The following CTNNA3 variants were observed in gnomAD, a reference collection of about 807,000 sequenced individuals.
The protein encoded by CTNNA3 is catenin alpha 3, also known as catenin alpha-3.
In CTNNA3, 76 loss-of-function variants were observed where a neutral mutation model predicts 95.7. That is an observed-to-expected ratio of 0.79 (90% CI 0.66 to 0.96). The LOEUF is 0.96. Ranked by LOEUF, CTNNA3 falls within the 40% of genes least tolerant of loss-of-function variation. CTNNA3 has a pLI of 0.00. For synonymous variants in CTNNA3, 431 were observed against 374.4 expected (o/e 1.15, Z -1.74); for missense variants, 1,191 against 1,089.8 (o/e 1.09, Z -1.31).
chr10:67,284,423 T>C (rs1308330844), intron 5 of CTNNA3, among the ~76,000 whole-genome samples: 3 of 152,222 alleles, frequency 2.0e-5, no homozygotes, highest in African/African-American at 7.2e-5. Context: ...ACCAAATTAG[T>C]ATTATTTTGT....
chr10:66,737,002 T>C (rs1849165931), intron 9 of CTNNA3, among the ~76,000 whole-genome samples: 1 of 152,200 alleles, frequency 6.6e-6, no homozygotes, highest in Admixed American at 6.5e-5. Context: ...ACTGGTAAGA[T>C]TCACTTTATC....
chr10:66,409,645 A>G (rs1292518608), intron 11 of CTNNA3, among the ~76,000 whole-genome samples: 1 of 152,208 alleles, frequency 6.6e-6, no homozygotes, highest in Non-Finnish European at 1.5e-5. Context: ...CAGTGAGACC[A>G]TAACTATACA....
At chr10:66,982,415 T>C (rs1326465411) in intron 7 of CTNNA3, among the ~76,000 whole-genome samples, 1 of 152,174 alleles carries the variant, frequency 6.6e-6, no homozygotes, top group Non-Finnish European at 1.5e-5. Context: ...TTTTCACCTC[T>C]AACCAAGGAT....
At chr10:66,716,795 T>G (rs996953534) in intron 9 of CTNNA3, among the ~76,000 whole-genome samples, 17 of 152,080 alleles carry the variant, frequency 1.1e-4, no homozygotes, top group African/African-American at 4.1e-4. Context: ...TATCTTGGAG[T>G]TGGAACTTCT....
At chr10:66,210,087 C>T (rs4745889) in intron 13 of CTNNA3, among the ~76,000 whole-genome samples, 107,420 of 151,726 alleles carry the variant, frequency 0.71, 38,474 homozygotes, top group African/African-American at 0.8. Context: ...ACACATAATA[C>T]CCAGGGTGGG....
rs116313553 is a variant in CTNNA3 at position 66,606,302 on chromosome 10, G to A, written c.1374+15390C>T. Reference sequence around the variant, plus strand: ...GTTCTCTGAGACCTTCAGAATCTTAGGCTCCCACACAATAATACTGGGAGA... The same window carrying A: ...GTTCTCTGAGACCTTCAGAATCTTAAGCTCCCACACAATAATACTGGGAGA... On this transcript the variant is annotated intron_variant, in intron 10 of 17. Coordinates refer to ENST00000433211, the MANE Select transcript of CTNNA3 (RefSeq NM_013266.4). Among the ~76,000 whole-genome samples the A allele has an allele frequency of 6.3e-3, 964 of 152,146 alleles. 12 individuals are homozygous for A. The highest frequency in any genetic ancestry group is 0.022 in the African/African-American group (924 of 41,520).
Position 66,636,926 on chromosome 10 carries a change from C to T in CTNNA3, c.1282-15142G>A, listed in dbSNP as rs143631752. On this transcript the variant is annotated intron_variant, in intron 9 of 17. Transcript: ENST00000433211. ...TATACTATGCTAAACGAGTAAAACA[C>T]TAAATGCTGATGGGCTTCATAATAA... is the stretch of plus-strand genomic sequence containing the variant. Among the ~76,000 whole-genome samples, 325 of 152,180 alleles carry T rather than the reference C, an allele frequency of 2.1e-3. 1 individual carries two copies. The highest frequency in any genetic ancestry group is 7.6e-3 in the African/African-American group (314 of 41,528).
intron 7 of CTNNA3, among the ~76,000 whole-genome samples, chr10:66,996,649 C>CTAAAAAA (rs71468809): frequency 1.5e-5 from 1 of 67,644 alleles, no homozygotes; most frequent in Admixed American, 2.7e-4. Context: ...TCCGTCTCTA[C>CTAAAAAA]AAAAAAAAAA....
At chr10:66,523,855 A>T (rs1408330692) in intron 10 of CTNNA3, among the ~76,000 whole-genome samples, 1 of 152,052 alleles carries the variant, frequency 6.6e-6, no homozygotes, top group Non-Finnish European at 1.5e-5. Context: ...CATGCCCCCC[A>T]CTTGCTGATA....
intron 14 of CTNNA3, among the ~76,000 whole-genome samples, chr10:66,102,261 T>A (rs2081665855): frequency 6.6e-6 from 1 of 152,172 alleles, no homozygotes; most frequent in Non-Finnish European, 1.5e-5. Context: ...CCTACTATTG[T>A]TGCTGCTGCT....
At chr10:67,174,594 T>C (rs879488898) in intron 7 of CTNNA3, among the ~76,000 whole-genome samples, 6 of 152,090 alleles carry the variant, frequency 3.9e-5, no homozygotes, top group African/African-American at 7.2e-5. Flanking sequence ...AATTCACATA[T>C]GCAAATACCT....
chr10:67,406,433 G>A (rs1845140333), intron 5 of CTNNA3, among the ~76,000 whole-genome samples: 1 of 152,072 alleles, frequency 6.6e-6, no homozygotes, highest in Non-Finnish European at 1.5e-5. Flanking sequence ...GTGTTAAGAG[G>A]GAAACTTACA....
chr10:67,181,589 T>C (rs1184038934), intron 6 of CTNNA3, among the ~76,000 whole-genome samples: 1 of 152,160 alleles, frequency 6.6e-6, no homozygotes, highest in Non-Finnish European at 1.5e-5. Flanking sequence ...ATCTTCCTAG[T>C]ATATAATCTT....
chr10:66,161,544 G>A (rs142849344), intron 13 of CTNNA3, among the ~76,000 whole-genome samples: 1 of 152,180 alleles, frequency 6.6e-6, no homozygotes, highest in African/African-American at 2.4e-5. Flanking sequence ...TTTCTAGCTT[G>A]TAGGGTTTCT....
chr10:66,587,829 T>A (rs555962666), intron 10 of CTNNA3, among the ~76,000 whole-genome samples: 3 of 152,304 alleles, frequency 2.0e-5, no homozygotes, highest in South Asian at 4.1e-4. Flanking sequence ...TGGAGACCAG[T>A]GAAACCACAG....
At chr10:67,007,036 TC>T (rs1299444682) in intron 7 of CTNNA3, among the ~76,000 whole-genome samples, 1 of 152,188 alleles carries the variant, frequency 6.6e-6, no homozygotes, top group African/African-American at 2.4e-5. Flanking sequence ...CCTCAAATGA[TC>T]CACCCTGCTC....
At chr10:67,501,585 C>A (rs1021838920) in intron 5 of CTNNA3, among the ~76,000 whole-genome samples, 1 of 152,214 alleles carries the variant, frequency 6.6e-6, no homozygotes, top group African/African-American at 2.4e-5. Context: ...TTCTCCCCAT[C>A]ACTTTCAGAT....
intron 1 of CTNNA3, among the ~76,000 whole-genome samples, chr10:67,682,018 C>T (rs867328700): frequency 1.3e-4 from 20 of 152,064 alleles, no homozygotes; most frequent in South Asian, 8.3e-4. Flanking sequence ...ATTAGCCAGG[C>T]GTGGTGGTGG....
intron 7 of CTNNA3, among the ~76,000 whole-genome samples, chr10:66,803,007 G>A (rs986936549): frequency 2.0e-5 from 3 of 151,688 alleles, no homozygotes; most frequent in South Asian, 2.1e-4. Flanking sequence ...ATGGTATATC[G>A]GAAATATTCA....
Sources: allele counts gnomAD v4.1 joint callset (sites outside exome capture counted in the v4.1 genomes callset), GRCh38; gene constraint gnomAD v4.1.1; transcripts MANE v1.5; gene names NCBI Gene and HGNC (gene_info 2026-07-23, HGNC 2026-07-21).